The following RC3H1 variants were observed in gnomAD, a reference collection of about 807,000 sequenced individuals.
The protein encoded by RC3H1 is ring finger and CCCH-type domains 1, also known as roquin-1.
A neutral mutation model predicts 138.2 loss-of-function variants in RC3H1; 50 were observed. The observed-to-expected ratio is 0.36, with a 90% CI of 0.29 to 0.46. The LOEUF is 0.46. Among genes scored for constraint, RC3H1 ranks in the 20% least tolerant of loss-of-function variants. The pLI, the probability that RC3H1 is intolerant of heterozygous loss-of-function variation, is 1.00. For missense variants in RC3H1, 1,031 were observed against 1,388.1 expected (o/e 0.74, Z 4.09); for synonymous variants, 462 against 489.1 (o/e 0.94, Z 0.73).
At chr1:173,949,430 G>A (rs1055037139) in intron 14 of RC3H1, among the ~76,000 whole-genome samples, 2 of 151,004 alleles carry the variant, frequency 1.3e-5, no homozygotes, top group Non-Finnish European at 2.9e-5. Context: ...GTGCAGTGGC[G>A]CAATCTCGGT....
chr1:173,964,597 C>T (rs1188677176), intron 10 of RC3H1, among the ~76,000 whole-genome samples: 1 of 151,036 alleles, frequency 6.6e-6, no homozygotes, highest in African/African-American at 2.4e-5. Context: ...GAACTTCTGG[C>T]CTCAAGTGAC....
At chr1:173,945,125 CT>C (rs71718815) in intron 17 of RC3H1, among the ~76,000 whole-genome samples, 33,649 of 137,788 alleles carry the variant, frequency 0.24, 5,895 homozygotes, top group African/African-American at 0.56. Context: ...TTAAAAATTC[CT>C]TTTTTTTTTT....
At position 173,932,781 on chromosome 1, in the gene RC3H1, A is replaced by G. The variant is rs1230234738; in HGVS notation, c.*5940T>C. ...ATCAATGGAGAAAGATTACACAAAT[A>G]AATGGTGATTAAAAAAAGGCAAATA... is the stretch of plus-strand genomic sequence containing the variant. On this transcript the variant is annotated 3_prime_UTR_variant, in exon 20 of 20. Coordinates refer to ENST00000367696, the MANE Select transcript of RC3H1 (RefSeq NM_172071.4). 2.0e-5 allele frequency: 3 copies of G among 152,132 alleles called. No homozygotes were observed. Among genetic ancestry groups the G allele is most frequent in the Admixed American group, 6.6e-5 (1 of 15,262 alleles). The allele number at this position is 152,132 out of a possible 1,614,324, so 9.4% of individuals were successfully genotyped here.
At chr1:173,959,030 A>G (rs553576829) in intron 13 of RC3H1, among the ~76,000 whole-genome samples, 1 of 152,200 alleles carries the variant, frequency 6.6e-6, no homozygotes, top group Non-Finnish European at 1.5e-5. Context: ...ATGGTAAATT[A>G]TTATTAAAAG....
intron 7 of RC3H1, among the ~76,000 whole-genome samples, chr1:173,973,444 G>A (rs1252234952): frequency 6.6e-6 from 1 of 151,436 alleles, no homozygotes; most frequent in Non-Finnish European, 1.5e-5. Context: ...GCTGAGGCAG[G>A]AGAATCGCTT....
At chr1:173,940,425 C>T (rs531306440) in intron 19 of RC3H1, among the ~76,000 whole-genome samples, 2 of 152,060 alleles carry the variant, frequency 1.3e-5, no homozygotes, top group African/African-American at 4.8e-5. Context: ...GAGCCGAGAT[C>T]GTGCCATTGC....
intron 1 of RC3H1, among the ~76,000 whole-genome samples, chr1:174,000,182 T>C (rs1260676048): frequency 6.6e-6 from 1 of 152,254 alleles, no homozygotes; most frequent in Non-Finnish European, 1.5e-5. Context: ...TTAATAGTCT[T>C]AGTTTTCAAA....
chr1:173,989,177 C>T (rs1345309661), intron 2 of RC3H1, among the ~76,000 whole-genome samples: 1 of 152,200 alleles, frequency 6.6e-6, no homozygotes, highest in Non-Finnish European at 1.5e-5. Flanking sequence ...GGAATACAGG[C>T]ATGTGCCATC....
chr1:173,984,480 G>T lies in RC3H1; in HGVS notation c.352+19C>A. The stretch of plus-strand genomic sequence containing the variant: ...AAAAGCAGTTTTACTCTTTAAATAA[G>T]AAACAAAAACAAACTTACCTCTAGC... On this transcript the variant is annotated intron_variant, in intron 3 of 19. Coordinates refer to ENST00000367696, the MANE Select transcript of RC3H1 (RefSeq NM_172071.4). 1.9e-6 allele frequency: 3 copies of T among 1,608,984 alleles called. No homozygotes were observed. Among genetic ancestry groups the T allele is most frequent in the Non-Finnish European group, 2.5e-6 (3 of 1,178,274 alleles).
In RC3H1 at chr1:173,982,708, CT is replaced by C; in HGVS notation, c.768+18del. On this transcript the variant is annotated intron_variant, in intron 5 of 19. Transcript: ENST00000367696. ...GAACAATATTTCCTTTCAAGCTGAG[CT>C]TTAATGTAGGTTCATACCTTGAAAC... 3 of 1,560,472 alleles carry C rather than the reference CT, an allele frequency of 1.9e-6. No individual in the cohort carries two copies. In the Admixed American group the frequency reaches 6.0e-5, roughly 31 times the overall value.
chr1:173,950,178 T>G (rs993878483), intron 14 of RC3H1, among the ~76,000 whole-genome samples: 11 of 151,752 alleles, frequency 7.2e-5, no homozygotes, highest in African/African-American at 2.4e-4. Flanking sequence ...AAAAAAAAAG[T>G]ACACATCTTA....
chr1:173,963,591 G>A (rs942447694), intron 11 of RC3H1, among the ~76,000 whole-genome samples: 6 of 152,020 alleles, frequency 3.9e-5, no homozygotes, highest in African/African-American at 1.5e-4. Flanking sequence ...AATGTACTGT[G>A]GGTGTTTAAT....
chr1:173,941,593 AC>A, intron 18 of RC3H1: 1 of 434,670 alleles, frequency 2.3e-6, no homozygotes. Context: ...AATAAGACAG[AC>A]AATGCCTCAA....
intron 16 of RC3H1, 30 bp from the exon 17 acceptor site, chr1:173,946,638 T>A: frequency 6.2e-7 from 1 of 1,610,766 alleles, no homozygotes. Context: ...GTGAATCAAA[T>A]TTTAACATTT....
intron 1 of RC3H1, among the ~76,000 whole-genome samples, chr1:173,994,229 CA>C (rs1661406298): frequency 6.6e-6 from 1 of 151,018 alleles, no homozygotes; most frequent in Non-Finnish European, 1.5e-5. Flanking sequence ...CCGTCTCTAC[CA>C]AAAATATAAA....
In RC3H1 at chr1:173,935,195, A is replaced by G. The variant is rs1165257696; in HGVS notation, c.*3526T>C. The G allele has an allele frequency of 6.6e-6, 1 of 152,200 alleles. No individual in the cohort carries two copies. The highest frequency in any genetic ancestry group is 1.5e-5 in the Non-Finnish European group (1 of 68,036). The allele number at this position is 152,200 out of a possible 1,614,324, so 9.4% of individuals were successfully genotyped here. ...CACTTCAGCCTCTGTACGTTATCTA[A>G]GACAGGACAGTTACTGGACTTATCT... On this transcript the variant is annotated 3_prime_UTR_variant, in exon 20 of 20. Coordinates refer to ENST00000367696, the MANE Select transcript of RC3H1 (RefSeq NM_172071.4).
chr1:173,984,639 A>T lies in RC3H1; in HGVS notation c.232-20T>A. ...AGGGACCTGGAGGCCAAAAGAAAAGATCTGTATGAGTGCTCAATTCATTAA... is the reference window on the plus strand; with the variant it reads ...AGGGACCTGGAGGCCAAAAGAAAAGTTCTGTATGAGTGCTCAATTCATTAA... On this transcript the variant is annotated intron_variant, in intron 2 of 19. Coordinates refer to ENST00000367696, the MANE Select transcript of RC3H1 (RefSeq NM_172071.4). The T allele has an allele frequency of 1.2e-6, 2 of 1,610,078 alleles. No individual in the cohort carries two copies. The highest frequency in any genetic ancestry group is 1.7e-6 in the Non-Finnish European group (2 of 1,178,830).
chr1:173,949,660 T>G (rs1659298770), intron 14 of RC3H1, among the ~76,000 whole-genome samples: 1 of 152,130 alleles, frequency 6.6e-6, no homozygotes, highest in South Asian at 2.1e-4. Flanking sequence ...TGAGCCACAG[T>G]ACCCAGCCAG....
chr1:173,954,415 A>G (rs755591052), intron 13 of RC3H1, among the ~76,000 whole-genome samples: 10 of 152,124 alleles, frequency 6.6e-5, no homozygotes, highest in Non-Finnish European at 1.3e-4. Flanking sequence ...ATGAGAGACT[A>G]GAAAGGGAAT....
Sources: gnomAD v4.1 joint callset for allele counts (sites outside exome capture counted in the v4.1 genomes callset) on GRCh38, gnomAD v4.1.1 for gene constraint, MANE v1.5 for transcripts, NCBI Gene and HGNC (gene_info 2026-07-23, HGNC 2026-07-21) for gene names.